MCTP1: variants seen among roughly 807,000 people sequenced by gnomAD.
MCTP1 encodes multiple C2 and transmembrane domain-containing protein 1.
Under a neutral mutation model 120.6 loss-of-function variants are expected in MCTP1, and 69 were observed. That is an observed-to-expected ratio of 0.57 (90% confidence interval 0.47 to 0.70). The LOEUF is 0.70. Ranked by LOEUF, MCTP1 falls within the 30% of genes least tolerant of loss-of-function variation. MCTP1 has a pLI of 0.00. For missense variants in MCTP1, 1,203 were observed against 1,248.8 expected, an observed-to-expected ratio of 0.96 and a Z score of 0.55; for synonymous variants, 529 against 493.1, an observed-to-expected ratio of 1.07 and a Z score of -0.96.
chr5:94,718,136 A>G (rs1759954542), intron 19 of MCTP1, among the ~76,000 whole-genome samples: 1 of 152,232 alleles, frequency 6.6e-6, no homozygotes, highest in Admixed American at 6.5e-5. Context: ...ACAGTAGCCA[A>G]AATGGCATGG....
At chr5:94,748,984 G>A (rs1031299372) in intron 19 of MCTP1, among the ~76,000 whole-genome samples, 1 of 152,140 alleles carries the variant, frequency 6.6e-6, no homozygotes, top group African/African-American at 2.4e-5. Context: ...ATACAGTTTT[G>A]TTTTGTTTTT....
chr5:95,172,588 C>CTG (rs1264859537), intron 1 of MCTP1, among the ~76,000 whole-genome samples: 1 of 82,862 alleles, frequency 1.2e-5, no homozygotes, highest in Non-Finnish European at 2.8e-5. Context: ...TCATATCAAA[C>CTG]TATTTTTTTT....
intron 18 of MCTP1, among the ~76,000 whole-genome samples, chr5:94,785,335 G>A (rs1179982889): frequency 6.6e-6 from 1 of 151,988 alleles, no homozygotes; most frequent in African/African-American, 2.4e-5. Context: ...AATGTATTGG[G>A]TTTTTCACTT....
intron 18 of MCTP1, among the ~76,000 whole-genome samples, chr5:94,785,906 A>G (rs1369185734): frequency 6.6e-6 from 1 of 152,174 alleles, no homozygotes; most frequent in African/African-American, 2.4e-5. Context: ...GAGCTGCAAT[A>G]GGCAAGTTAT....
chr5:95,215,569 C>T (rs1562246264), intron 1 of MCTP1, among the ~76,000 whole-genome samples: 1 of 151,946 alleles, frequency 6.6e-6, no homozygotes, highest in South Asian at 2.1e-4. Flanking sequence ...TATTTTCCTC[C>T]TTTTTTTTCT....
intron 1 of MCTP1, among the ~76,000 whole-genome samples, chr5:95,280,941 C>T (rs1300400606): frequency 1.3e-5 from 2 of 152,096 alleles, no homozygotes; most frequent in African/African-American, 4.8e-5. Context: ...GTTGTTGGGG[C>T]CTCGTGCTGG....
At chr5:94,882,114 C>T (rs755597836) in intron 12 of MCTP1, among the ~76,000 whole-genome samples, 7 of 152,146 alleles carry the variant, frequency 4.6e-5, no homozygotes, top group Non-Finnish European at 1.0e-4. Context: ...TGGATTTATA[C>T]TTTTTAATGT....
chr5:95,017,728 A>G lies in MCTP1; in HGVS notation c.721-244T>C, dbSNP rs188159765. Among the ~76,000 whole-genome samples the G allele has an allele frequency of 9.9e-5, 15 of 152,272 alleles. No individual in the cohort carries two copies. In the East Asian group the frequency reaches 2.9e-3, roughly 29 times the overall value. ...GTTTTAATTCAGATTATGGATAACAAATGGAATATAAAAACATTTCCCATG... is the reference window on the plus strand; with the variant it reads ...GTTTTAATTCAGATTATGGATAACAGATGGAATATAAAAACATTTCCCATG... On this transcript the variant is annotated intron_variant, in intron 1 of 22. Coordinates refer to ENST00000515393, the MANE Select transcript of MCTP1 (RefSeq NM_024717.7).
intron 1 of MCTP1, among the ~76,000 whole-genome samples, chr5:95,044,259 A>G (rs987762762): frequency 2.0e-5 from 3 of 152,218 alleles, no homozygotes; most frequent in African/African-American, 7.2e-5. Context: ...CTTTTCACCT[A>G]TAAAATCCAG....
chr5:95,054,287 G>A (rs957118709), intron 1 of MCTP1, among the ~76,000 whole-genome samples: 4 of 152,094 alleles, frequency 2.6e-5, no homozygotes, highest in African/African-American at 4.8e-5. Flanking sequence ...GCAATACATC[G>A]TATCTATAAA....
chr5:94,754,070 C>A (rs6861129), intron 19 of MCTP1, among the ~76,000 whole-genome samples: 1 of 152,124 alleles, frequency 6.6e-6, no homozygotes, highest in African/African-American at 2.4e-5. Context: ...ATTGGCTATG[C>A]TTTTTAAAAA....
chr5:94,748,561 T>G (rs977893904), intron 19 of MCTP1, among the ~76,000 whole-genome samples: 2 of 152,260 alleles, frequency 1.3e-5, no homozygotes, highest in Non-Finnish European at 2.9e-5. Context: ...AATCTTTGAC[T>G]GGAAATAAAA....
chr5:95,123,661 T>G (rs1047855843), intron 1 of MCTP1, among the ~76,000 whole-genome samples: 1 of 152,102 alleles, frequency 6.6e-6, no homozygotes, highest in African/African-American at 2.4e-5. Flanking sequence ...CTTTTTTTTT[T>G]TTTTTTGAGA....
At chr5:95,161,911 C>G (rs1374841789) in intron 1 of MCTP1, among the ~76,000 whole-genome samples, 4 of 152,110 alleles carry the variant, frequency 2.6e-5, no homozygotes, top group African/African-American at 7.2e-5. Flanking sequence ...TAGAGGACTT[C>G]AGGAATCAGA....
chr5:94,711,398 T>TA (rs1298745282), intron 20 of MCTP1, among the ~76,000 whole-genome samples: 6 of 152,084 alleles, frequency 3.9e-5, no homozygotes, highest in Admixed American at 3.9e-4. Context: ...ATGGTTGTGT[T>TA]AAAAATCCTC....
At chr5:95,099,360 C>G (rs569755343) in intron 1 of MCTP1, among the ~76,000 whole-genome samples, 7 of 150,874 alleles carry the variant, frequency 4.6e-5, no homozygotes, top group Non-Finnish European at 8.9e-5. Flanking sequence ...AGAAAATTTT[C>G]GCAACCTACT....
intron 1 of MCTP1, among the ~76,000 whole-genome samples, chr5:95,072,893 C>T (rs564360900): frequency 2.0e-5 from 3 of 151,954 alleles, no homozygotes; most frequent in East Asian, 1.9e-4. Context: ...CTACAGGTGC[C>T]GGCCACCATA....
intron 1 of MCTP1, among the ~76,000 whole-genome samples, chr5:95,082,261 C>T (rs986151718): frequency 2.6e-5 from 4 of 152,176 alleles, no homozygotes; most frequent in Non-Finnish European, 4.4e-5. Context: ...GTTCTGTGAG[C>T]CCTTCTAAAG....
intron 3 of MCTP1, among the ~76,000 whole-genome samples, chr5:94,952,170 G>A (rs1376397459): frequency 7.2e-4 from 10 of 13,938 alleles, no homozygotes; most frequent in African/African-American, 4.2e-3. Flanking sequence ...AGACTTTGTC[G>A]CAAAAAAAAA....
Sources: gnomAD v4.1 joint callset for allele counts (sites outside exome capture counted in the v4.1 genomes callset) on GRCh38, gnomAD v4.1.1 for gene constraint, MANE v1.5 for transcripts, NCBI Gene and HGNC (gene_info 2026-07-23, HGNC 2026-07-21) for gene names.